EIF4G3: variants seen among roughly 807,000 people sequenced by gnomAD.
EIF4G3 encodes the protein eIF-4-gamma 3.
Under a neutral mutation model 186.4 loss-of-function variants are expected in EIF4G3, and 34 were observed. The observed-to-expected ratio is 0.18, with a 90% CI of 0.14 to 0.24. EIF4G3 has a LOEUF of 0.24. Among genes scored for constraint, EIF4G3 ranks in the 10% least tolerant of loss-of-function variants. The pLI is 1.00. For synonymous variants in EIF4G3, 673 were observed against 679.5 expected (o/e 0.99, Z 0.15); for missense variants, 1,536 against 1,948.5 (o/e 0.79, Z 3.99).
rs75985880 is a variant in EIF4G3, at chr1:21,061,741, G to T, written c.-195-10747C>A. On this transcript the variant is annotated intron_variant, in intron 3 of 36. Transcript: ENST00000602326. ...ATCAATATGGTTTATTTCTCTGCTT[G>T]TTTTTTTTTTTTTTTTTCTTTTTTG... Among the ~76,000 whole-genome samples, 400 of 128,980 alleles carry T rather than the reference G, an allele frequency of 3.1e-3. 3 individuals carry two copies. The highest frequency in any genetic ancestry group is 9.8e-3 in the African/African-American group (343 of 34,996). The allele number at this position is 128,980 out of a possible 152,430, so 84.6% of individuals were successfully genotyped here. A position where few individuals can be genotyped will look rare whatever the true frequency, so the allele number is the denominator to read the frequency against.
intron 18 of EIF4G3, among the ~76,000 whole-genome samples, chr1:20,892,321 C>T (rs1468884351): frequency 6.6e-6 from 1 of 152,216 alleles, no homozygotes; most frequent in African/African-American, 2.4e-5. Flanking sequence ...CATTCAACAT[C>T]ATTGGCAACT....
chr1:21,057,342 A>G (rs182301851), intron 3 of EIF4G3, among the ~76,000 whole-genome samples: 1 of 152,304 alleles, frequency 6.6e-6, no homozygotes, highest in East Asian at 1.9e-4. Flanking sequence ...ATAAAAAACT[A>G]CCATAACACA....
At chr1:20,817,681 G>GTT (rs34471464) in intron 33 of EIF4G3, 143 bp from the exon 34 acceptor site, 708 of 149,736 alleles carry the variant, frequency 4.7e-3, no homozygotes, top group South Asian at 0.015. Context: ...TATGTTTGTA[G>GTT]TTTTTTTTTT....
rs576905056 is a variant in EIF4G3 at position 20,942,243 on chromosome 1, C to T, written c.911G>A (p.Gly304Asp). 8.7e-6 allele frequency: 14 copies of T among 1,614,076 alleles called. No homozygotes were observed. In the East Asian group the frequency reaches 3.1e-4, roughly 36 times the overall value. The change falls in exon 14 of 37, where the codon GGC (glycine) becomes GAC (aspartate). Residue 304 changes from glycine (G) to aspartate (D), a missense_variant. Gly to Asp is a moderately conservative substitution (Grantham distance 94, BLOSUM62 -1). Coordinates refer to ENST00000602326, the MANE Select transcript of EIF4G3 (RefSeq NM_001391906.1). ...TATTGCAGTAGTTTCAGATGTCTGG[C>T]CTTCTTGTTCTTTCTTCTCTCCACT... ...VLSGEKKEQE[G>D]QTSETTAIVS... is the part of the protein sequence containing the mutation.
At position 20,825,150 on chromosome 1, in the gene EIF4G3, T is replaced by C. The variant is rs776335561; in HGVS notation, c.4318A>G (p.Lys1440Glu). ...TCTTCTCCTTCTGGTAAAAAGTCCT[T>C]CCAGCTGAGGTCAGCCTCCCTCCAT... Reference protein sequence around the residue: ...ALWREADLSWKDFLPEGEDVH... With the variant: ...ALWREADLSWEDFLPEGEDVH... Residue 1440 changes from lysine (K) to glutamate (E), a missense_variant, in exon 33 of 37, where the codon AAG becomes GAG. Around this residue, in one of 11 missense-constraint regions of EIF4G3, gnomAD observed 395 missense variants for 498.9 expected, o/e 0.79. Transcript: ENST00000602326. 6.2e-7 allele frequency: 1 copy of C among 1,612,860 alleles called. No homozygotes were observed. The highest frequency in any genetic ancestry group is 1.1e-5 in the South Asian group (1 of 90,966).
Position 21,158,575 on chromosome 1 carries a change from A to G in EIF4G3, c.-272+17600T>C, listed in dbSNP as rs570781990. Among the ~76,000 whole-genome samples the G allele has an allele frequency of 2.4e-4, 36 of 152,244 alleles. No individual in the cohort carries two copies. In the South Asian group the frequency reaches 7.3e-3, roughly 31 times the overall value. ...TATTTCAACTTAGCTCCTCCAACTA[A>G]AACAATTATTCTGACCTGGTACACA... On this transcript the variant is annotated intron_variant, in intron 2 of 36. Transcript: ENST00000602326.
intron 2 of EIF4G3, among the ~76,000 whole-genome samples, chr1:21,143,187 T>A (rs984171732): frequency 1.3e-5 from 2 of 151,792 alleles, no homozygotes; most frequent in African/African-American, 4.8e-5. Flanking sequence ...AGGCAGAGGT[T>A]GCAGTGAGCC....
intron 3 of EIF4G3, among the ~76,000 whole-genome samples, chr1:21,063,432 T>C (rs368415062): frequency 1.3e-5 from 2 of 152,222 alleles, no homozygotes; most frequent in East Asian, 3.9e-4. Flanking sequence ...TATGTGACAG[T>C]TGTTTGAACA....
chr1:21,067,425 G>A (rs991072854), intron 3 of EIF4G3, among the ~76,000 whole-genome samples: 1 of 151,930 alleles, frequency 6.6e-6, no homozygotes, highest in Non-Finnish European at 1.5e-5. Context: ...GAGCCACCAC[G>A]TCTGGCTTTT....
intron 20 of EIF4G3, among the ~76,000 whole-genome samples, chr1:20,873,918 C>T (rs115818417): frequency 0.28 from 42,261 of 151,858 alleles, 7,406 homozygotes; most frequent in Non-Finnish European, 0.39. Flanking sequence ...GAAACTACCA[C>T]TTATGAGTGA....
intron 4 of EIF4G3, chr1:21,003,923 T>C (rs2084301137): frequency 5.1e-6 from 1 of 196,248 alleles, no homozygotes; most frequent in African/African-American, 2.4e-5. Context: ...ACCAGAACAT[T>C]CATATACACG....
At chr1:21,066,129 C>T (rs1419793868) in intron 3 of EIF4G3, among the ~76,000 whole-genome samples, 1 of 151,914 alleles carries the variant, frequency 6.6e-6, no homozygotes, top group Non-Finnish European at 1.5e-5. Context: ...CACTGGGCAA[C>T]AGAGCGAGAC....
At chr1:21,084,681 G>A (rs2095902036) in intron 3 of EIF4G3, among the ~76,000 whole-genome samples, 1 of 152,082 alleles carries the variant, frequency 6.6e-6, no homozygotes. Context: ...CTGCACTGAT[G>A]TTCCTTCTAC....
At chr1:21,093,905 G>A (rs933969643) in intron 2 of EIF4G3, among the ~76,000 whole-genome samples, 2 of 152,032 alleles carry the variant, frequency 1.3e-5, no homozygotes, top group Non-Finnish European at 2.9e-5. Context: ...ATTGAACAGT[G>A]AGAACACTTG....
intron 12 of EIF4G3, among the ~76,000 whole-genome samples, chr1:20,961,386 AAAT>A (rs933830858): frequency 1.3e-5 from 2 of 152,122 alleles, no homozygotes; most frequent in Non-Finnish European, 2.9e-5. Context: ...CGTCTCAAAA[AAAT>A]AATAATAATA....
In EIF4G3 at chr1:20,977,533, ATTATT is replaced by A. The variant is rs1232154067; in HGVS notation, c.493+2796_493+2800del. Among the ~76,000 whole-genome samples, 5 of 152,292 alleles carry A rather than the reference ATTATT, an allele frequency of 3.3e-5. No individual in the cohort carries two copies. In the East Asian group the frequency reaches 7.7e-4, roughly 23 times the overall value. Reference sequence around the variant, plus strand: ...TTTAGTTACTTTCATAATGAAATAAATTATTTTAAGATTGTTTTTCTAATATTAAG... The same window carrying A: ...TTTAGTTACTTTCATAATGAAATAAATTAAGATTGTTTTTCTAATATTAAG... On this transcript the variant is annotated intron_variant, in intron 10 of 36. Transcript: ENST00000602326.
At chr1:21,070,355 G>C (rs2095407042) in intron 3 of EIF4G3, among the ~76,000 whole-genome samples, 1 of 151,936 alleles carries the variant, frequency 6.6e-6, no homozygotes, top group African/African-American at 2.4e-5. Context: ...CACTCCCTAT[G>C]GCAAAATGAT....
chr1:20,820,306 T>G (rs2062016812), intron 33 of EIF4G3, among the ~76,000 whole-genome samples: 2 of 152,062 alleles, frequency 1.3e-5, no homozygotes, highest in African/African-American at 4.8e-5. Context: ...TCTGAGTTGG[T>G]GGGGTGGGAG....
At chr1:21,087,824 G>A (rs1349369529) in intron 3 of EIF4G3, among the ~76,000 whole-genome samples, 2 of 151,930 alleles carry the variant, frequency 1.3e-5, no homozygotes, top group African/African-American at 4.8e-5. Flanking sequence ...TAGTAGAGAC[G>A]GGGTTTCACT....
Sources: gnomAD v4.1 joint callset for allele counts (sites outside exome capture counted in the v4.1 genomes callset) on GRCh38, gnomAD v4.1.1 for gene constraint, gnomAD v4.1.1 regional missense constraint, MANE v1.5 for transcripts, NCBI Gene and HGNC (gene_info 2026-07-23, HGNC 2026-07-21) for gene names.